Variants in CACNA2D3 observed in about 807,000 individuals in gnomAD.
CACNA2D3 encodes the protein voltage-dependent calcium channel subunit alpha-2/delta-3.
Under a neutral mutation model 160.6 loss-of-function variants are expected in CACNA2D3, and 60 were observed. The observed-to-expected ratio is 0.37, with a 90% CI of 0.30 to 0.46. The LOEUF (loss-of-function observed/expected upper bound fraction) is 0.46. CACNA2D3 is among the 20% of genes least tolerant of loss of function. CACNA2D3 has a pLI of 1.00. For synonymous variants in CACNA2D3, 558 were observed against 492.9 expected (o/e 1.13, Z -1.75); for missense variants, 1,205 against 1,365.0 (o/e 0.88, Z 1.85).
At chr3:54,692,113 A>G (rs547507668) in intron 11 of CACNA2D3, among the ~76,000 whole-genome samples, 4 of 152,198 alleles carry the variant, frequency 2.6e-5, no homozygotes, top group South Asian at 2.1e-4. Context: ...AGCTGGGACT[A>G]CAGGCATGCG....
In CACNA2D3 at chr3:54,873,310, T is replaced by A. The variant is rs573379733; in HGVS notation, c.1710+1688T>A. Reference sequence around the variant, plus strand: ...CTGTCATGAATGAATGTCCTGTGGATTTACAGTTGCTAGGAATCTTTGGAG... The same window carrying A: ...CTGTCATGAATGAATGTCCTGTGGAATTACAGTTGCTAGGAATCTTTGGAG... On this transcript the variant is annotated intron_variant, in intron 18 of 37. Coordinates refer to ENST00000474759, the MANE Select transcript of CACNA2D3 (RefSeq NM_018398.3). 1.5e-3 allele frequency among the ~76,000 whole-genome samples: 233 copies of A among 152,288 alleles called. 1 individual carries two copies. In the Middle Eastern group the frequency reaches 0.02, roughly 13 times the overall value.
At chr3:54,795,033 T>G (rs1702839824) in intron 13 of CACNA2D3, among the ~76,000 whole-genome samples, 1 of 152,154 alleles carries the variant, frequency 6.6e-6, no homozygotes, top group Admixed American at 6.5e-5. Context: ...ACTGCACATT[T>G]ATTCATCTAC....
intron 27 of CACNA2D3, among the ~76,000 whole-genome samples, chr3:54,908,723 A>T (rs1700497276): frequency 2.0e-5 from 3 of 152,204 alleles, no homozygotes; most frequent in Admixed American, 2.0e-4. Flanking sequence ...TCTCAAAACA[A>T]AAGAGAAAAA....
intron 13 of CACNA2D3, among the ~76,000 whole-genome samples, chr3:54,802,280 A>T (rs1321637838): frequency 6.6e-6 from 1 of 152,188 alleles, no homozygotes; most frequent in African/African-American, 2.4e-5. Context: ...ACTGGCACTC[A>T]TGGGAAAGCT....
intron 32 of CACNA2D3, 88 bp from the exon 33 acceptor site, chr3:55,007,702 T>C: frequency 2.5e-6 from 2 of 803,040 alleles, no homozygotes; most frequent in Non-Finnish European, 2.0e-6. Context: ...TCTAGAAGAA[T>C]AACATTGTCC....
At chr3:54,730,617 C>T (rs1235737131) in intron 11 of CACNA2D3, among the ~76,000 whole-genome samples, 32 of 152,272 alleles carry the variant, frequency 2.1e-4, no homozygotes, top group Non-Finnish European at 5.9e-5. Flanking sequence ...ATTCTCCTGT[C>T]TCCACCTACC....
chr3:54,816,436 T>A (rs79376243), intron 13 of CACNA2D3, among the ~76,000 whole-genome samples: 8 of 152,102 alleles, frequency 5.3e-5, no homozygotes, highest in African/African-American at 1.9e-4. Context: ...CTCCCTTCCC[T>A]TTCACCCCCT....
chr3:54,937,144 A>G (rs1168804763), intron 27 of CACNA2D3, among the ~76,000 whole-genome samples: 1 of 152,210 alleles, frequency 6.6e-6, no homozygotes, highest in East Asian at 1.9e-4. Context: ...CTTAAAAATA[A>G]GGTGTGCTCA....
chr3:54,725,114 A>G (rs1390255695), intron 11 of CACNA2D3, among the ~76,000 whole-genome samples: 1 of 152,234 alleles, frequency 6.6e-6, no homozygotes, highest in East Asian at 1.9e-4. Flanking sequence ...ACAAACTACC[A>G]TCAGAGAATA....
intron 2 of CACNA2D3, among the ~76,000 whole-genome samples, chr3:54,279,820 C>A (rs1021478742): frequency 6.6e-6 from 1 of 152,138 alleles, no homozygotes; most frequent in African/African-American, 2.4e-5. Flanking sequence ...TGCCTCAACT[C>A]CATGTGGTTG....
chr3:54,210,148 A>G (rs1173840889), intron 2 of CACNA2D3, among the ~76,000 whole-genome samples: 2 of 152,210 alleles, frequency 1.3e-5, no homozygotes, highest in African/African-American at 4.8e-5. Context: ...GAAAAAAAGT[A>G]GAGCAGTAAG....
chr3:54,896,079 G>A (rs1342891893), intron 25 of CACNA2D3, among the ~76,000 whole-genome samples: 2 of 152,182 alleles, frequency 1.3e-5, no homozygotes, highest in Non-Finnish European at 2.9e-5. Flanking sequence ...TAGATGAGGC[G>A]CACTTTGAAA....
chr3:54,291,351 T>G (rs1185351815), intron 2 of CACNA2D3, among the ~76,000 whole-genome samples: 3 of 152,246 alleles, frequency 2.0e-5, no homozygotes, highest in African/African-American at 7.2e-5. Flanking sequence ...CATGTCCATA[T>G]GTAAATATTG....
rs1251592415 is a variant in CACNA2D3, at chr3:54,736,074, C to CATACAT, written c.1168-16522_1168-16521insCATATA. Among the ~76,000 whole-genome samples the CATACAT allele has an allele frequency of 7.7e-3, 226 of 29,500 alleles. 18 individuals carry two copies. Among genetic ancestry groups the CATACAT allele is most frequent in the Middle Eastern group, 0.026 (1 of 38 alleles). The allele number at this position is 29,500 out of a possible 152,430, so 19.4% of individuals were successfully genotyped here. A position where few individuals can be genotyped will look rare whatever the true frequency, so the allele number is the denominator to read the frequency against. On this transcript the variant is annotated intron_variant, in intron 11 of 37. Transcript: ENST00000474759. ...ATACATATGTATGTATATATATATACATATATATGTATGTGTATATATATA... is the reference window on the plus strand; with the variant it reads ...ATACATATGTATGTATATATATATACATACATATATATATGTATGTGTATATATATA...
chr3:54,320,447 C>T lies in CACNA2D3; in HGVS notation c.210C>T (p.Tyr70=). ...GTTGCCCTCTCTTCTTACAGAAATA[C>T]AAAGAGTATGAGAAAGACGTTGCCA... ...YSGSQLLQKK[Y]KEYEKDVAIE... is the part of the protein sequence containing the mutation. The change falls in exon 3 of 38, where the codon TAC becomes TAT. Residue 70 remains tyrosine, a synonymous_variant. Transcript: ENST00000474759. 1 of 1,517,008 alleles carries T rather than the reference C, an allele frequency of 6.6e-7. No homozygotes were observed. The highest frequency in any genetic ancestry group is 1.4e-5 in the African/African-American group (1 of 72,314). 94.0% of individuals were successfully genotyped at this position (1,517,008 alleles called of 1,614,324 possible). A position where few individuals can be genotyped will look rare whatever the true frequency, so the allele number is the denominator to read the frequency against.
chr3:54,737,188 G>A (rs138279510), intron 11 of CACNA2D3, among the ~76,000 whole-genome samples: 13 of 68,954 alleles, frequency 1.9e-4, no homozygotes, highest in African/African-American at 5.7e-4. Context: ...GTATATGTGT[G>A]TGTGTGTGTG....
chr3:54,182,201 A>G (rs1700797416), intron 2 of CACNA2D3, among the ~76,000 whole-genome samples: 1 of 152,216 alleles, frequency 6.6e-6, no homozygotes, highest in African/African-American at 2.4e-5. Context: ...GCCTTGTCCA[A>G]CACTCCCTGA....
chr3:54,301,021 C>CT, intron 2 of CACNA2D3, among the ~76,000 whole-genome samples: 1 of 149,438 alleles, frequency 6.7e-6, no homozygotes, highest in Middle Eastern at 3.4e-3. Context: ...AACTGTGTCC[C>CT]TTTAAAAAAA....
At chr3:54,747,925 T>C (rs771275135) in intron 11 of CACNA2D3, among the ~76,000 whole-genome samples, 22 of 152,368 alleles carry the variant, frequency 1.4e-4, no homozygotes, top group Non-Finnish European at 2.6e-4. Flanking sequence ...TATCAGCATT[T>C]AATTCAACAA....
Sources: gnomAD v4.1 joint callset for allele counts (sites outside exome capture counted in the v4.1 genomes callset) on GRCh38, gnomAD v4.1.1 for gene constraint, MANE v1.5 for transcripts, NCBI Gene and HGNC (gene_info 2026-07-23, HGNC 2026-07-21) for gene names.